CLOCK: variants seen among roughly 807,000 people sequenced by gnomAD.
The protein encoded by CLOCK is circadian locomoter output cycles protein kaput.
A neutral mutation model predicts 118.4 loss-of-function variants in CLOCK; 43 were observed. The ratio of observed to expected loss-of-function variants is 0.36; its 90% confidence interval spans 0.28 to 0.47. CLOCK has a LOEUF of 0.47. Among genes scored for constraint, CLOCK ranks in the 20% least tolerant of loss-of-function variants. CLOCK has a pLI of 1.00. For synonymous variants in CLOCK, 326 were observed against 339.2 expected (o/e 0.96, Z 0.43); for missense variants, 846 against 999.9 (o/e 0.85, Z 2.08).
chr4:55,521,533 T>C (rs977362679), intron 1 of CLOCK, among the ~76,000 whole-genome samples: 1 of 152,230 alleles, frequency 6.6e-6, no homozygotes, highest in African/African-American at 2.4e-5. Flanking sequence ...TACTATGTTT[T>C]ATAGAGCTCA....
intron 8 of CLOCK, among the ~76,000 whole-genome samples, chr4:55,467,462 G>A (rs1164891410): frequency 6.6e-6 from 1 of 152,124 alleles, no homozygotes; most frequent in African/African-American, 2.4e-5. Context: ...GGTAACAGTA[G>A]AACAGAGATG....
rs60471915 is a variant in CLOCK, at chr4:55,503,978, TAAAAAAAA to T, written c.-136+5926_-136+5933del. Among the ~76,000 whole-genome samples, 3 of 71,130 alleles carry T rather than the reference TAAAAAAAA, an allele frequency of 4.2e-5. 1 individual carries two copies. The highest frequency in any genetic ancestry group is 1.4e-3 in the South Asian group (2 of 1,428). The allele number at this position is 71,130 out of a possible 152,430, so 46.7% of individuals were successfully genotyped here. ...ACAGTTTCTATTTGGCAAAAAGAGG[TAAAAAAAA>T]AAAAAAAAAAAAAAAAAGCCGGGCA... On this transcript the variant is annotated intron_variant, in intron 2 of 22. Transcript: ENST00000513440.
At chr4:55,488,522 C>G (rs1278971790) in intron 3 of CLOCK, among the ~76,000 whole-genome samples, 1 of 152,188 alleles carries the variant, frequency 6.6e-6, no homozygotes, top group African/African-American at 2.4e-5. Flanking sequence ...CATATATTCT[C>G]CCCATCATTT....
chr4:55,505,411 C>A (rs139717425), intron 2 of CLOCK, among the ~76,000 whole-genome samples: 1,884 of 152,158 alleles, frequency 0.012, 23 homozygotes, highest in Middle Eastern at 0.054. Context: ...CACCTGTAAT[C>A]CCAGCGCTTT....
intron 1 of CLOCK, among the ~76,000 whole-genome samples, chr4:55,533,581 A>G (rs1398761102): frequency 6.6e-6 from 1 of 152,134 alleles, no homozygotes; most frequent in African/African-American, 2.4e-5. Flanking sequence ...CTGACTAAAG[A>G]TTTTTGGGAT....
chr4:55,522,201 T>C (rs907242938), intron 1 of CLOCK, among the ~76,000 whole-genome samples: 2 of 152,126 alleles, frequency 1.3e-5, no homozygotes, highest in Admixed American at 6.6e-5. Flanking sequence ...TTCATATCTA[T>C]AGAGGAGAAA....
At chr4:55,488,254 A>C (rs1727432430) in intron 3 of CLOCK, among the ~76,000 whole-genome samples, 1 of 152,188 alleles carries the variant, frequency 6.6e-6, no homozygotes, top group African/African-American at 2.4e-5. Flanking sequence ...CTTCTCCTCT[A>C]ATTAATACTG....
intron 7 of CLOCK, among the ~76,000 whole-genome samples, chr4:55,472,328 T>C (rs1196962260): frequency 6.6e-6 from 1 of 152,160 alleles, no homozygotes; most frequent in Non-Finnish European, 1.5e-5. Flanking sequence ...AAGTCACTCA[T>C]TCATGAACTT....
intron 3 of CLOCK, 24 bp from the exon 4 acceptor site, chr4:55,482,852 G>A (rs1727026234): frequency 5.3e-6 from 6 of 1,137,558 alleles, no homozygotes; most frequent in East Asian, 2.4e-5. Flanking sequence ...AAAAATAAAT[G>A]GTCATTAGTT....
chr4:55,480,937 T>C (rs1726886083), intron 4 of CLOCK, among the ~76,000 whole-genome samples: 1 of 151,170 alleles, frequency 6.6e-6, no homozygotes, highest in Non-Finnish European at 1.5e-5. Context: ...AGGGGTGATG[T>C]TTTAGTAACT....
At chr4:55,494,857 C>G (rs1364230690) in intron 2 of CLOCK, among the ~76,000 whole-genome samples, 1 of 152,166 alleles carries the variant, frequency 6.6e-6, no homozygotes, top group African/African-American at 2.4e-5. Context: ...GAGAGAAATG[C>G]AGCCCGCTGA....
chr4:55,496,305 T>G (rs1728081931), intron 2 of CLOCK, among the ~76,000 whole-genome samples: 1 of 152,178 alleles, frequency 6.6e-6, no homozygotes, highest in Admixed American at 6.5e-5. Flanking sequence ...TAATCTTTGT[T>G]GGAGCCTCAG....
chr4:55,449,346 T>A, intron 17 of CLOCK, 50 bp downstream of exon 17: 1 of 1,465,510 alleles, frequency 6.8e-7, no homozygotes, highest in Non-Finnish European at 9.6e-7. Context: ...AGATCATTTT[T>A]CCCCTCTTAA....
At chr4:55,445,317 A>C (rs1723719927) in intron 18 of CLOCK, among the ~76,000 whole-genome samples, 1 of 152,098 alleles carries the variant, frequency 6.6e-6, no homozygotes, top group Non-Finnish European at 1.5e-5. Flanking sequence ...ATGACATCCT[A>C]GTGGGCAGCT....
chr4:55,437,046 A>G (rs1040814116), intron 22 of CLOCK, among the ~76,000 whole-genome samples: 2 of 152,058 alleles, frequency 1.3e-5, no homozygotes, highest in Non-Finnish European at 2.9e-5. Context: ...AATAATTTAG[A>G]ACTTGTTTTA....
At chr4:55,470,342 T>G (rs1056926896) in intron 8 of CLOCK, among the ~76,000 whole-genome samples, 1 of 152,188 alleles carries the variant, frequency 6.6e-6, no homozygotes, top group Non-Finnish European at 1.5e-5. Context: ...ATAGTAGTAT[T>G]CAGTACAGCG....
intron 5 of CLOCK, among the ~76,000 whole-genome samples, chr4:55,479,280 A>G (rs1023109160): frequency 5.9e-5 from 9 of 152,138 alleles, no homozygotes; most frequent in African/African-American, 1.9e-4. Context: ...GTTATTATAA[A>G]TATATGTACT....
chr4:55,488,830 G>A lies in CLOCK; in HGVS notation c.-44+544C>T, dbSNP rs532744663. Among the ~76,000 whole-genome samples, 12 of 152,136 alleles carry A rather than the reference G, an allele frequency of 7.9e-5. No individual in the cohort carries two copies. In the East Asian group the frequency reaches 2.3e-3, roughly 29 times the overall value. ...AGCTCACTGTAGCGTCAACCTCCTA[G>A]GCTCAAGTCCTCCTGCCTCAGCCTC... On this transcript the variant is annotated intron_variant, in intron 3 of 22. Coordinates refer to ENST00000513440, the MANE Select transcript of CLOCK (RefSeq NM_004898.4).
At chr4:55,485,378 CA>C (rs1469097250) in intron 3 of CLOCK, among the ~76,000 whole-genome samples, 1 of 152,104 alleles carries the variant, frequency 6.6e-6, no homozygotes, top group Non-Finnish European at 1.5e-5. Context: ...CACCCTAGAG[CA>C]AATGTTAGAA....
Sources: allele counts gnomAD v4.1 joint callset (sites outside exome capture counted in the v4.1 genomes callset), GRCh38; gene constraint gnomAD v4.1.1; transcripts MANE v1.5; gene names NCBI Gene and HGNC (gene_info 2026-07-23, HGNC 2026-07-21).